The following ST6GALNAC3 variants were observed in gnomAD, a reference collection of about 807,000 sequenced individuals.
The protein encoded by ST6GALNAC3 is alpha-N-acetylgalactosaminide alpha-2,6-sialyltransferase 3.
A neutral mutation model predicts 32.7 loss-of-function variants in ST6GALNAC3; 25 were observed. The ratio of observed to expected loss-of-function variants is 0.76; its 90% confidence interval spans 0.56 to 1.07. ST6GALNAC3 has a LOEUF of 1.07. Ranked by LOEUF, ST6GALNAC3 falls within the 50% of genes least tolerant of loss-of-function variation. ST6GALNAC3 has a pLI of 0.00. For missense variants in ST6GALNAC3, 355 were observed against 382.4 expected (o/e 0.93, Z 0.60); for synonymous variants, 129 against 133.1 (o/e 0.97, Z 0.21).
chr1:76,613,003 C>T (rs1320511404), intron 3 of ST6GALNAC3, among the ~76,000 whole-genome samples: 1 of 152,156 alleles, frequency 6.6e-6, no homozygotes, highest in East Asian at 1.9e-4. Context: ...GAAGCCATAG[C>T]AGTAAGTGGG....
intron 1 of ST6GALNAC3, among the ~76,000 whole-genome samples, chr1:76,202,995 A>G (rs542289983): frequency 9.5e-4 from 145 of 152,276 alleles, no homozygotes; most frequent in African/African-American, 3.4e-3. Context: ...TGTTCTGATT[A>G]ATTTGTGGGG....
intron 1 of ST6GALNAC3, among the ~76,000 whole-genome samples, chr1:76,076,895 A>G (rs561395867): frequency 6.6e-6 from 1 of 152,310 alleles, no homozygotes; most frequent in East Asian, 1.9e-4. Flanking sequence ...ATTTAGACCC[A>G]GATATGTCAA....
At chr1:76,404,771 T>G (rs1653697284) in intron 2 of ST6GALNAC3, among the ~76,000 whole-genome samples, 2 of 152,032 alleles carry the variant, frequency 1.3e-5, no homozygotes, top group African/African-American at 4.8e-5. Flanking sequence ...AAGTAGTAAA[T>G]TAGTGAGTGG....
At chr1:76,340,250 T>C (rs1647848929) in intron 2 of ST6GALNAC3, among the ~76,000 whole-genome samples, 1 of 152,242 alleles carries the variant, frequency 6.6e-6, no homozygotes, top group East Asian at 1.9e-4. Context: ...GGGAAATAGC[T>C]ATTGGCCTCA....
At chr1:76,336,899 C>T (rs1647522349) in intron 2 of ST6GALNAC3, among the ~76,000 whole-genome samples, 1 of 152,170 alleles carries the variant, frequency 6.6e-6, no homozygotes. Context: ...CTTAGTTGCT[C>T]CCCCTCCTCA....
rs143655933 is a variant in ST6GALNAC3 at position 76,083,283 on chromosome 1, T to A, written c.18+8399T>A. ...ACTGTCGTGAGTTGATCCCTCTATT[T>A]GGGACTAGTGGGATATGCACTTGCG... On this transcript the variant is annotated intron_variant, in intron 1 of 4. Transcript: ENST00000328299. Among the ~76,000 whole-genome samples the A allele has an allele frequency of 3.1e-3, 476 of 152,400 alleles. 5 individuals are homozygous for A. The highest frequency in any genetic ancestry group is 5.8e-3 in the Non-Finnish European group (392 of 68,042).
chr1:76,186,506 T>A (rs903628191), intron 1 of ST6GALNAC3, among the ~76,000 whole-genome samples: 8 of 152,142 alleles, frequency 5.3e-5, no homozygotes, highest in African/African-American at 1.9e-4. Context: ...CTGGATGAGG[T>A]CCACTGAGGT....
At chr1:76,292,556 A>C (rs556899559) in intron 1 of ST6GALNAC3, among the ~76,000 whole-genome samples, 1 of 152,200 alleles carries the variant, frequency 6.6e-6, no homozygotes, top group Admixed American at 6.5e-5. Context: ...TACTTGTTGC[A>C]ATTTTTAAAG....
At chr1:76,119,844 T>C (rs1278519619) in intron 1 of ST6GALNAC3, among the ~76,000 whole-genome samples, 7 of 11,350 alleles carry the variant, frequency 6.2e-4, no homozygotes, top group Non-Finnish European at 1.0e-3. Flanking sequence ...CCCTGTTTTA[T>C]AGGTTTGGGA....
chr1:76,252,797 G>A (rs553988727), intron 1 of ST6GALNAC3, among the ~76,000 whole-genome samples: 18 of 152,194 alleles, frequency 1.2e-4, no homozygotes, highest in East Asian at 9.6e-4. Context: ...TTGGTAAGCC[G>A]CTCTGTGATA....
intron 3 of ST6GALNAC3, among the ~76,000 whole-genome samples, chr1:76,545,934 C>T (rs1374330313): frequency 1.3e-5 from 2 of 152,210 alleles, no homozygotes; most frequent in Non-Finnish European, 2.9e-5. Context: ...GCTGGGATCA[C>T]TGGCGTGAGC....
intron 3 of ST6GALNAC3, among the ~76,000 whole-genome samples, chr1:76,446,411 T>C (rs1260603802): frequency 6.6e-6 from 1 of 152,238 alleles, no homozygotes. Flanking sequence ...TGGACAAATG[T>C]GTGGTCACAT....
At chr1:76,431,036 G>A (rs1009746426) in intron 3 of ST6GALNAC3, among the ~76,000 whole-genome samples, 2 of 152,090 alleles carry the variant, frequency 1.3e-5, no homozygotes, top group African/African-American at 4.8e-5. Context: ...GAGTTTAAGG[G>A]AGAGGACAGA....
intron 3 of ST6GALNAC3, among the ~76,000 whole-genome samples, chr1:76,436,602 G>A (rs61771526): frequency 0.18 from 27,543 of 152,008 alleles, 2,770 homozygotes; most frequent in Middle Eastern, 0.26. Flanking sequence ...CATAAATGTT[G>A]GGGCTTTTTA....
chr1:76,155,560 C>A (rs1223090355), intron 1 of ST6GALNAC3, among the ~76,000 whole-genome samples: 1 of 152,002 alleles, frequency 6.6e-6, no homozygotes, highest in Non-Finnish European at 1.5e-5. Context: ...CTCCGCCTCC[C>A]GGGTTCATGC....
intron 3 of ST6GALNAC3, among the ~76,000 whole-genome samples, chr1:76,527,462 T>C (rs1459404897): frequency 6.6e-6 from 1 of 152,062 alleles, no homozygotes; most frequent in Non-Finnish European, 1.5e-5. Flanking sequence ...TTGAGCCCTG[T>C]GGTTTGAATG....
At chr1:76,438,026 G>A (rs1055705661) in intron 3 of ST6GALNAC3, among the ~76,000 whole-genome samples, 4 of 151,640 alleles carry the variant, frequency 2.6e-5, no homozygotes, top group Non-Finnish European at 4.4e-5. Flanking sequence ...GAAAATTAAC[G>A]TCAAAATAAA....
intron 3 of ST6GALNAC3, among the ~76,000 whole-genome samples, chr1:76,458,038 GA>G (rs1402706223): frequency 6.8e-6 from 1 of 147,456 alleles, no homozygotes; most frequent in Non-Finnish European, 1.5e-5. Flanking sequence ...AAATTTACAA[GA>G]AAAAAACAAA....
intron 1 of ST6GALNAC3, among the ~76,000 whole-genome samples, chr1:76,309,551 G>A (rs1448581861): frequency 1.3e-5 from 2 of 152,184 alleles, no homozygotes; most frequent in Admixed American, 1.3e-4. Context: ...ACTACTAGAA[G>A]AAGGCACATG....
Sources: allele counts gnomAD v4.1 joint callset (sites outside exome capture counted in the v4.1 genomes callset), GRCh38; gene constraint gnomAD v4.1.1; transcripts MANE v1.5; gene names NCBI Gene and HGNC (gene_info 2026-07-23, HGNC 2026-07-21).